The following PDE1A variants were observed in gnomAD, a reference collection of about 807,000 sequenced individuals.
PDE1A encodes the protein dual specificity calcium/calmodulin-dependent 3',5'-cyclic nucleotide phosphodiesterase 1A.
Under a neutral mutation model 61.7 loss-of-function variants are expected in PDE1A, and 35 were observed. The observed-to-expected ratio is 0.57, with a 90% CI of 0.43 to 0.75. The LOEUF (loss-of-function observed/expected upper bound fraction) is 0.75. Among genes scored for constraint, PDE1A ranks in the 30% least tolerant of loss-of-function variants. The probability of loss-of-function intolerance (pLI) is 0.00; values close to 1 mark genes in which losing one functional copy is unlikely to be tolerated. For missense variants in PDE1A, 597 were observed against 630.6 expected (o/e 0.95, Z 0.57); for synonymous variants, 232 against 213.2 (o/e 1.09, Z -0.77).
intron 1 of PDE1A, among the ~76,000 whole-genome samples, chr2:182,376,719 C>T (rs1281756621): frequency 1.3e-5 from 2 of 152,170 alleles, no homozygotes; most frequent in Admixed American, 6.5e-5. Context: ...TTTCACACTG[C>T]TGATAAAGAG....
intron 2 of PDE1A, among the ~76,000 whole-genome samples, chr2:182,475,048 T>C (rs1687266327): frequency 6.6e-6 from 1 of 151,944 alleles, no homozygotes; most frequent in South Asian, 2.1e-4. Context: ...TAGCTCTCTG[T>C]GTTTCTCTTT....
At chr2:182,406,877 C>T (rs569787794) in intron 1 of PDE1A, among the ~76,000 whole-genome samples, 63 of 150,948 alleles carry the variant, frequency 4.2e-4, no homozygotes, top group African/African-American at 1.3e-3. Context: ...AAAGGTATAC[C>T]TTCTTGTTGC....
At chr2:182,281,941 A>G (rs1042295598) in intron 1 of PDE1A, among the ~76,000 whole-genome samples, 21 of 152,130 alleles carry the variant, frequency 1.4e-4, no homozygotes, top group African/African-American at 4.8e-4. Flanking sequence ...AAACAAATAT[A>G]TTATTGATAC....
chr2:182,242,570 G>A (rs1226190752), intron 2 of PDE1A, among the ~76,000 whole-genome samples: 13 of 152,254 alleles, frequency 8.5e-5, no homozygotes, highest in African/African-American at 2.2e-4. Flanking sequence ...TTTAAATGTC[G>A]CTGTGAAAGT....
chr2:182,423,972 TC>T, intron 1 of PDE1A, among the ~76,000 whole-genome samples: 1 of 137,462 alleles, frequency 7.3e-6, no homozygotes, highest in South Asian at 2.3e-4. Context: ...TTTGATGGGG[TC>T]TCACTCTATA....
chr2:182,425,426 CA>C (rs1350248745), intron 1 of PDE1A, among the ~76,000 whole-genome samples: 1 of 152,026 alleles, frequency 6.6e-6, no homozygotes, highest in Non-Finnish European at 1.5e-5. Context: ...GCATAAGACA[CA>C]AAAACATATT....
At chr2:182,314,213 A>G (rs1696182664) in intron 1 of PDE1A, 1 of 152,200 alleles carries the variant, frequency 6.6e-6, no homozygotes, top group South Asian at 2.1e-4. Flanking sequence ...AATAAAAATG[A>G]ATGAATAATT....
At chr2:182,598,463 T>G in the PDE1A span, among the ~76,000 whole-genome samples, 2 of 151,852 alleles carry the variant, frequency 1.3e-5, no homozygotes, top group African/African-American at 4.8e-5. Context: ...TCCCAGATAC[T>G]TGGGAGGCTG....
intron 1 of PDE1A, among the ~76,000 whole-genome samples, chr2:182,373,445 A>C (rs1700227051): frequency 6.6e-6 from 1 of 152,178 alleles, no homozygotes; most frequent in Admixed American, 6.5e-5. Context: ...AGGTTCAAAA[A>C]CTGGAAAAAC....
At chr2:182,259,373 T>A (rs552566960) in intron 2 of PDE1A, among the ~76,000 whole-genome samples, 1 of 152,350 alleles carries the variant, frequency 6.6e-6, no homozygotes, top group South Asian at 2.1e-4. Flanking sequence ...TTTGTTACCT[T>A]TATTAGAATA....
the PDE1A span, among the ~76,000 whole-genome samples, chr2:182,532,945 CAAAAAAAAAAAAAA>C: frequency 7.6e-4 from 16 of 21,180 alleles, no homozygotes; most frequent in African/African-American, 2.9e-3. Flanking sequence ...GACTCCGTCT[CAAAAAAAAAAAAAA>C]AAAAAAAAAA....
intron 1 of PDE1A, among the ~76,000 whole-genome samples, chr2:182,296,473 C>G (rs1052669781): frequency 2.0e-5 from 3 of 152,134 alleles, no homozygotes; most frequent in Non-Finnish European, 4.4e-5. Context: ...TATAGATATA[C>G]AGATATAGAC....
At chr2:182,704,399 A>G in the PDE1A span, among the ~76,000 whole-genome samples, 1 of 152,156 alleles carries the variant, frequency 6.6e-6, no homozygotes, top group East Asian at 1.9e-4. Flanking sequence ...GGCTAGGGGG[A>G]AAAGGCATAA....
chr2:182,646,538 A>G, the PDE1A span, among the ~76,000 whole-genome samples: 1 of 152,032 alleles, frequency 6.6e-6, no homozygotes, highest in Non-Finnish European at 1.5e-5. Flanking sequence ...TACAAAAATT[A>G]TCTGGGCATG....
intron 1 of PDE1A, among the ~76,000 whole-genome samples, chr2:182,295,055 A>ATATTTT (rs1559306033): frequency 1.3e-5 from 1 of 76,776 alleles, no homozygotes; most frequent in Non-Finnish European, 2.8e-5. Flanking sequence ...ATAAAAGGTA[A>ATATTTT]TCTTTTTTTT....
chr2:182,219,505 A>C (rs1388662746), intron 7 of PDE1A, among the ~76,000 whole-genome samples: 1 of 152,124 alleles, frequency 6.6e-6, no homozygotes, highest in Non-Finnish European at 1.5e-5. Context: ...TCGTTCATAT[A>C]AGTTGGCAAG....
chr2:182,692,440 G>A, the PDE1A span, among the ~76,000 whole-genome samples: 31 of 151,812 alleles, frequency 2.0e-4, no homozygotes, highest in Admixed American at 6.6e-4. Context: ...AACACCCCAT[G>A]TTGTCACTCA....
chr2:182,225,240 A>G (rs1689051321), intron 6 of PDE1A, among the ~76,000 whole-genome samples: 1 of 151,966 alleles, frequency 6.6e-6, no homozygotes, highest in African/African-American at 2.4e-5. Context: ...CAATAGTACA[A>G]TCGTGTTGGA....
the PDE1A span, among the ~76,000 whole-genome samples, chr2:182,556,270 A>C: frequency 3.2e-4 from 49 of 152,278 alleles, no homozygotes; most frequent in Middle Eastern, 0.01. Flanking sequence ...AGATCCACCA[A>C]AGAAAATATG....
Sources: allele counts gnomAD v4.1 joint callset (sites outside exome capture counted in the v4.1 genomes callset), GRCh38; gene constraint gnomAD v4.1.1; transcripts MANE v1.5; gene names NCBI Gene and HGNC (gene_info 2026-07-23, HGNC 2026-07-21).